Variants in CSMD1 observed in about 807,000 individuals in gnomAD.
CSMD1 encodes CUB and sushi domain-containing protein 1.
Under a neutral mutation model 417.5 loss-of-function variants are expected in CSMD1, and 213 were observed. The observed-to-expected ratio is 0.51, with a 90% CI of 0.46 to 0.57. CSMD1 has a LOEUF of 0.57. Among genes scored for constraint, CSMD1 ranks in the 20% least tolerant of loss-of-function variants. The probability of loss-of-function intolerance (pLI) is 0.00; values close to 1 mark genes in which losing one functional copy is unlikely to be tolerated. For missense variants in CSMD1, 6,923 were observed against 4,529.7 expected, an observed-to-expected ratio of 1.53 and a Z score of -15.17; for synonymous variants, 2,862 against 1,736.8, an observed-to-expected ratio of 1.65 and a Z score of -16.11.
chr8:3,225,321 A>G (rs1486526783), intron 27 of CSMD1, among the ~76,000 whole-genome samples: 1 of 152,150 alleles, frequency 6.6e-6, no homozygotes, highest in East Asian at 1.9e-4. Flanking sequence ...AATTCCACAG[A>G]TATACGTTCA....
intron 3 of CSMD1, among the ~76,000 whole-genome samples, chr8:4,317,232 G>A (rs1585219434): frequency 6.6e-6 from 1 of 151,604 alleles, no homozygotes; most frequent in African/African-American, 2.4e-5. Context: ...TGGTAAGGTA[G>A]GCAGGGAATT....
At chr8:4,049,192 G>A (rs1217549211) in intron 3 of CSMD1, among the ~76,000 whole-genome samples, 1 of 151,866 alleles carries the variant, frequency 6.6e-6, no homozygotes, top group Non-Finnish European at 1.5e-5. Flanking sequence ...CTTAGGTGTT[G>A]CGTCTTTCTC....
At chr8:3,554,831 GC>G (rs750361709) in intron 10 of CSMD1, among the ~76,000 whole-genome samples, 1 of 152,122 alleles carries the variant, frequency 6.6e-6, no homozygotes, top group Non-Finnish European at 1.5e-5. Context: ...GTCTGGGCAG[GC>G]CAAGAGTGCT....
intron 5 of CSMD1, among the ~76,000 whole-genome samples, chr8:3,847,639 G>A (rs2954211): frequency 0.16 from 25,049 of 152,012 alleles, 2,247 homozygotes; most frequent in East Asian, 0.36. Context: ...GAGAAAACAC[G>A]GATGCACTGC....
chr8:3,691,755 T>A (rs774081292), intron 7 of CSMD1, among the ~76,000 whole-genome samples: 3 of 147,282 alleles, frequency 2.0e-5, no homozygotes, highest in Admixed American at 6.8e-5. Context: ...AAAATGAGGC[T>A]CAATACCATT....
chr8:4,189,377 G>A (rs1584988307), intron 3 of CSMD1, among the ~76,000 whole-genome samples: 1 of 152,288 alleles, frequency 6.6e-6, no homozygotes, highest in East Asian at 1.9e-4. Context: ...AATAAGCCAT[G>A]AATATTCTAA....
intron 1 of CSMD1, among the ~76,000 whole-genome samples, chr8:4,957,985 T>A (rs78529588): frequency 0.025 from 3,848 of 152,280 alleles, 143 homozygotes; most frequent in African/African-American, 0.087. Context: ...ATTTTTTCCA[T>A]AATTGTGTGA....
At chr8:3,471,944 T>C (rs1563071319) in intron 11 of CSMD1, among the ~76,000 whole-genome samples, 1 of 152,056 alleles carries the variant, frequency 6.6e-6, no homozygotes, top group African/African-American at 2.4e-5. Flanking sequence ...GAGGAGAGTG[T>C]TTTCCCTTCT....
chr8:4,545,429 A>G (rs992518514), intron 2 of CSMD1, among the ~76,000 whole-genome samples: 3 of 152,222 alleles, frequency 2.0e-5, no homozygotes, highest in Admixed American at 2.0e-4. Context: ...AGAGTCCTAC[A>G]TATTAGGAGA....
At chr8:4,605,365 G>A (rs897186847) in intron 2 of CSMD1, among the ~76,000 whole-genome samples, 5 of 152,144 alleles carry the variant, frequency 3.3e-5, no homozygotes, top group African/African-American at 9.7e-5. Flanking sequence ...GCAAAGAGAG[G>A]TTGAGTCCTG....
At position 3,793,488 on chromosome 8, in the gene CSMD1, C is replaced by G. The variant is rs964795115; in HGVS notation, c.819-39446G>C. On this transcript the variant is annotated intron_variant, in intron 5 of 69. Coordinates refer to ENST00000635120, the MANE Select transcript of CSMD1 (RefSeq NM_033225.6). ...CATGCCCCCCATCCAGCCAAGCCAG[C>G]CCTCTTGTGCCCCCCTCTCTAGGTG... Among the ~76,000 whole-genome samples, 4 of 150,608 alleles carry G rather than the reference C, an allele frequency of 2.7e-5. No homozygotes were observed. The Admixed American group carries it at 2.7e-4, about 10-fold the overall frequency.
intron 55 of CSMD1, among the ~76,000 whole-genome samples, chr8:2,975,642 G>A (rs1002935411): frequency 7.2e-5 from 11 of 152,178 alleles, no homozygotes; most frequent in African/African-American, 2.7e-4. Context: ...ACCTGAAACA[G>A]TGAAATGCTG....
chr8:4,881,555 T>C (rs1803404286), intron 1 of CSMD1, among the ~76,000 whole-genome samples: 1 of 147,312 alleles, frequency 6.8e-6, no homozygotes, highest in Non-Finnish European at 1.5e-5. Context: ...TTTTTTTATC[T>C]CATTTACGCC....
At chr8:3,671,321 T>G (rs368906836) in intron 7 of CSMD1, among the ~76,000 whole-genome samples, 1 of 148,266 alleles carries the variant, frequency 6.7e-6, no homozygotes, top group East Asian at 2.0e-4. Flanking sequence ...TAACATTAGT[T>G]ATGTGGAAAT....
intron 3 of CSMD1, among the ~76,000 whole-genome samples, chr8:4,180,303 C>T (rs1798287759): frequency 6.6e-6 from 1 of 151,778 alleles, no homozygotes; most frequent in Non-Finnish European, 1.5e-5. Context: ...TGGAAATCAT[C>T]ATTGTCAGTA....
At chr8:3,673,657 T>A (rs572373654) in intron 7 of CSMD1, among the ~76,000 whole-genome samples, 1 of 152,202 alleles carries the variant, frequency 6.6e-6, no homozygotes, top group Non-Finnish European at 1.5e-5. Context: ...ATATAAAGCA[T>A]TTACGGTGTG....
chr8:4,632,716 G>A (rs1802596874), intron 2 of CSMD1, among the ~76,000 whole-genome samples: 1 of 152,200 alleles, frequency 6.6e-6, no homozygotes, highest in Non-Finnish European at 1.5e-5. Context: ...GCAGTAGGTG[G>A]CCAGTGTTAC....
At chr8:4,677,724 T>A (rs1280587175) in intron 1 of CSMD1, among the ~76,000 whole-genome samples, 1 of 152,176 alleles carries the variant, frequency 6.6e-6, no homozygotes, top group Non-Finnish European at 1.5e-5. Context: ...CCATTAGAGT[T>A]CTTGGCAGGC....
chr8:3,441,997 G>A (rs953663695), intron 12 of CSMD1, among the ~76,000 whole-genome samples: 3 of 151,828 alleles, frequency 2.0e-5, no homozygotes, highest in Non-Finnish European at 2.9e-5. Context: ...GGAAGACAGT[G>A]TGTAGGCCTA....
Sources: allele counts gnomAD v4.1 joint callset (sites outside exome capture counted in the v4.1 genomes callset), GRCh38; gene constraint gnomAD v4.1.1; transcripts MANE v1.5; gene names NCBI Gene and HGNC (gene_info 2026-07-23, HGNC 2026-07-21).